WRN: variants seen among roughly 807,000 people sequenced by gnomAD.
WRN encodes WRN RecQ like helicase, also known as bifunctional 3'-5' exonuclease/ATP-dependent helicase WRN.
In WRN, 149 loss-of-function variants were observed where a neutral mutation model predicts 180.7. The observed-to-expected ratio is 0.82, with a 90% CI of 0.72 to 0.94. The LOEUF is 0.94. Among genes scored for constraint, WRN ranks in the 40% least tolerant of loss-of-function variants. The pLI, the probability that WRN is intolerant of heterozygous loss-of-function variation, is 0.00. For missense variants in WRN, 1,661 were observed against 1,700.1 expected (o/e 0.98, Z 0.40); for synonymous variants, 548 against 568.9 (o/e 0.96, Z 0.52).
rs1812037692 is a variant in WRN, at chr8:31,050,405, G to A, written c.-76-7967G>A. Among the ~76,000 whole-genome samples the A allele has an allele frequency of 3.3e-5, 5 of 151,988 alleles. No individual in the cohort carries two copies. The South Asian group carries it at 1.0e-3, about 31-fold the overall frequency. On this transcript the variant is annotated intron_variant, in intron 1 of 34. Transcript: ENST00000298139. ...TATTAGTAAATGACCGTCAAATAAA[G>A]ATATGTCCCCTAATGAAATACTGAT...
intron 24 of WRN, among the ~76,000 whole-genome samples, chr8:31,136,836 CG>C (rs1802417268): frequency 1.3e-5 from 2 of 149,442 alleles, no homozygotes; most frequent in Non-Finnish European, 3.0e-5. Context: ...TACCCTGTCT[CG>C]AATGAATGAA....
chr8:31,120,240 C>T lies in WRN; in HGVS notation c.2449-3C>T, dbSNP rs1801670868. ...GTCAAACTGTGTTGTGATTTGTTCT[C>T]AGTGTGTCATAGCTACCATAGCTTT... is the stretch of plus-strand genomic sequence containing the variant. On this transcript the variant is annotated splice_polypyrimidine_tract_variant and splice_region_variant and intron_variant, in intron 20 of 34. Coordinates refer to ENST00000298139, the MANE Select transcript of WRN (RefSeq NM_000553.6). 6.2e-7 allele frequency: 1 copy of T among 1,612,332 alleles called. No homozygotes were observed. The highest frequency in any genetic ancestry group is 1.3e-5 in the African/African-American group (1 of 74,930).
At position 31,064,969 on chromosome 8, in the gene WRN, G is replaced by T; in HGVS notation, c.410G>T (p.Gly137Val). The T allele has an allele frequency of 1.2e-6, 2 of 1,613,712 alleles. No homozygotes were observed. Among genetic ancestry groups the T allele is most frequent in the Non-Finnish European group, 1.7e-6 (2 of 1,179,794 alleles). The change falls in exon 5 of 35, where the codon GGT (glycine) becomes GTT (valine). Residue 137 changes from glycine (G) to valine (V), a missense_variant. Physicochemically the swap from Gly to Val is moderately radical, Grantham distance 109. Coordinates refer to ENST00000298139, the MANE Select transcript of WRN (RefSeq NM_000553.6). Reference sequence around the variant, plus strand: ...GAAAATAAAGCAGTTAAAAAGGCAGGTGTAGGAATTGAAGGAGATCAGTGG... The same window carrying T: ...GAAAATAAAGCAGTTAAAAAGGCAGTTGTAGGAATTGAAGGAGATCAGTGG... ...LLENKAVKKA[G>V]VGIEGDQWKL...
At chr8:31,037,930 C>A (rs1306057992) in intron 1 of WRN, among the ~76,000 whole-genome samples, 1 of 152,082 alleles carries the variant, frequency 6.6e-6, no homozygotes, top group Non-Finnish European at 1.5e-5. Context: ...AACTCGATTT[C>A]TTTTTATGGC....
intron 1 of WRN, among the ~76,000 whole-genome samples, chr8:31,048,960 T>G (rs988578000): frequency 6.6e-6 from 1 of 151,956 alleles, no homozygotes; most frequent in Non-Finnish European, 1.5e-5. Context: ...TCAGACTAGT[T>G]GTAAACCTCC....
At chr8:31,155,153 G>A (rs530153827) in intron 32 of WRN, among the ~76,000 whole-genome samples, 1 of 152,192 alleles carries the variant, frequency 6.6e-6, no homozygotes, top group Non-Finnish European at 1.5e-5. Flanking sequence ...GTAAACGTGT[G>A]TGCATATGCA....
intron 24 of WRN, among the ~76,000 whole-genome samples, chr8:31,132,842 G>A (rs556425458): frequency 6.6e-6 from 1 of 152,296 alleles, no homozygotes; most frequent in East Asian, 1.9e-4. Flanking sequence ...TGTATCAAGG[G>A]ACAGGTAGAA....
intron 33 of WRN, among the ~76,000 whole-genome samples, chr8:31,160,022 G>GA (rs1331053233): frequency 6.7e-6 from 1 of 150,280 alleles, no homozygotes; most frequent in East Asian, 2.0e-4. Flanking sequence ...CTCAAGATTG[G>GA]AAAAATCTTT....
intron 33 of WRN, among the ~76,000 whole-genome samples, chr8:31,164,971 T>C (rs892226926): frequency 2.0e-5 from 3 of 152,128 alleles, no homozygotes; most frequent in African/African-American, 7.2e-5. Flanking sequence ...AGGGTACTTA[T>C]AGAAATGTAT....
At chr8:31,046,225 C>T (rs1419317981) in intron 1 of WRN, among the ~76,000 whole-genome samples, 1 of 151,978 alleles carries the variant, frequency 6.6e-6, no homozygotes, top group Non-Finnish European at 1.5e-5. Context: ...CTTACTTGCT[C>T]CTGTTAAACA....
chr8:31,159,533 T>C (rs1185592977), intron 33 of WRN, among the ~76,000 whole-genome samples: 1 of 151,832 alleles, frequency 6.6e-6, no homozygotes, highest in African/African-American at 2.4e-5. Flanking sequence ...AAAGTTATAA[T>C]TTAAAAAAAT....
intron 1 of WRN, among the ~76,000 whole-genome samples, chr8:31,053,699 A>G (rs999172610): frequency 1.3e-5 from 2 of 152,254 alleles, no homozygotes; most frequent in Non-Finnish European, 2.9e-5. Context: ...ATTAAGGTAT[A>G]TGACAGAGTT....
At chr8:31,153,164 A>G (rs1803208766) in intron 31 of WRN, among the ~76,000 whole-genome samples, 1 of 152,236 alleles carries the variant, frequency 6.6e-6, no homozygotes, top group African/African-American at 2.4e-5. Flanking sequence ...TATGCCTCAT[A>G]AATTAATGAA....
rs1585413126 is a variant in WRN, at chr8:31,068,274, A to G, written c.671A>G (p.Tyr224Cys). 1.2e-6 allele frequency: 2 copies of G among 1,607,458 alleles called. No individual in the cohort carries two copies. Among genetic ancestry groups the G allele is most frequent in the Non-Finnish European group, 1.7e-6 (2 of 1,175,524 alleles). Residue 224 changes from tyrosine (Y) to cysteine (C), a missense_variant, in exon 7 of 35, where the codon TAC becomes TGC. Coordinates refer to ENST00000298139, the MANE Select transcript of WRN (RefSeq NM_000553.6). ...TTTTTATAGGCTGGTTTTATTATTT[A>G]CCGAAATTTAGAGATTTTGGATGAT... is the stretch of plus-strand genomic sequence containing the variant. ...ATDAYAGFII[Y>C]RNLEILDDTV...
chr8:31,145,418 G>A (rs1802820101), intron 28 of WRN, among the ~76,000 whole-genome samples: 1 of 152,146 alleles, frequency 6.6e-6, no homozygotes, highest in African/African-American at 2.4e-5. Context: ...AAGTCTTGAT[G>A]ATACCTGTTT....
chr8:31,073,990 C>T (rs1373485013), intron 7 of WRN, among the ~76,000 whole-genome samples: 5 of 151,620 alleles, frequency 3.3e-5, no homozygotes, highest in African/African-American at 7.3e-5. Flanking sequence ...GATCTCTGCT[C>T]ACTGCAAGCT....
intron 19 of WRN, among the ~76,000 whole-genome samples, chr8:31,116,147 G>T (rs1801507555): frequency 6.6e-6 from 1 of 152,082 alleles, no homozygotes; most frequent in Admixed American, 6.5e-5. Flanking sequence ...GAGTTTTGGG[G>T]ACTTCACACA....
intron 1 of WRN, among the ~76,000 whole-genome samples, chr8:31,055,009 A>G (rs910438369): frequency 2.0e-5 from 3 of 152,164 alleles, no homozygotes; most frequent in Non-Finnish European, 4.4e-5. Context: ...GCTGAGGATA[A>G]TGGATTCCAG....
intron 32 of WRN, among the ~76,000 whole-genome samples, chr8:31,155,304 A>G (rs1234545431): frequency 1.3e-5 from 2 of 152,178 alleles, no homozygotes; most frequent in Non-Finnish European, 2.9e-5. Flanking sequence ...ATGCTCTTTG[A>G]AAACAATCTA....
Sources: allele counts gnomAD v4.1 joint callset (sites outside exome capture counted in the v4.1 genomes callset), GRCh38; gene constraint gnomAD v4.1.1; transcripts MANE v1.5; gene names NCBI Gene and HGNC (gene_info 2026-07-23, HGNC 2026-07-21).